Variants in CPB2 observed in about 807,000 individuals in gnomAD.
CPB2 encodes the protein carboxypeptidase B-like protein.
A neutral mutation model predicts 57.0 loss-of-function variants in CPB2; 54 were observed. That is an observed-to-expected ratio of 0.95 (90% CI 0.76 to 1.19). CPB2 has a LOEUF of 1.19. Among genes scored for constraint, CPB2 ranks in the 50% most tolerant of loss-of-function variants. The probability of loss-of-function intolerance (pLI) is 0.00; values close to 1 mark genes in which losing one functional copy is unlikely to be tolerated. For missense variants in CPB2, 426 were observed against 512.0 expected (o/e 0.83, Z 1.62); for synonymous variants, 189 against 178.1 (o/e 1.06, Z -0.49).
chr13:46,071,636 G>A (rs1247241688), intron 6 of CPB2, among the ~76,000 whole-genome samples: 4 of 152,176 alleles, frequency 2.6e-5, no homozygotes, highest in African/African-American at 4.8e-5. Context: ...GTCAGTGCAC[G>A]ATAGCAATAA....
chr13:46,067,026 C>G (rs1206957023), intron 7 of CPB2, among the ~76,000 whole-genome samples: 1 of 150,740 alleles, frequency 6.6e-6, no homozygotes, highest in Non-Finnish European at 1.5e-5. Flanking sequence ...CTAGGATTTA[C>G]TTCAAAATAA....
intron 8 of CPB2, among the ~76,000 whole-genome samples, chr13:46,062,893 G>A (rs2044795768): frequency 6.6e-6 from 1 of 152,188 alleles, no homozygotes; most frequent in Non-Finnish European, 1.5e-5. Context: ...TTGATAAAAT[G>A]TTTAAAATCA....
At chr13:46,057,606 T>G (rs1331624186) in intron 9 of CPB2, among the ~76,000 whole-genome samples, 1 of 152,186 alleles carries the variant, frequency 6.6e-6, no homozygotes, top group African/African-American at 2.4e-5. Flanking sequence ...TAAAAAGTGC[T>G]AAGGGAGTAT....
At chr13:46,090,726 T>TC (rs1254678313) in intron 1 of CPB2, among the ~76,000 whole-genome samples, 1 of 150,670 alleles carries the variant, frequency 6.6e-6, no homozygotes, top group African/African-American at 2.4e-5. Context: ...ATGTTGCACT[T>TC]TTTTTTTTTC....
chr13:46,064,494 T>G (rs1235776407), intron 8 of CPB2, among the ~76,000 whole-genome samples, 154 bp downstream of exon 8: 2 of 152,212 alleles, frequency 1.3e-5, no homozygotes, highest in Admixed American at 6.5e-5. Flanking sequence ...TGGCCAACAG[T>G]CGCAGCATTA....
chr13:46,103,000 T>C (rs1206434624), intron 1 of CPB2, among the ~76,000 whole-genome samples: 1 of 152,176 alleles, frequency 6.6e-6, no homozygotes, highest in African/African-American at 2.4e-5. Flanking sequence ...AAGCAACAAA[T>C]AGTAACAAAG....
chr13:46,082,977 T>C (rs1446767368), intron 3 of CPB2, among the ~76,000 whole-genome samples: 1 of 151,892 alleles, frequency 6.6e-6, no homozygotes, highest in Non-Finnish European at 1.5e-5. Flanking sequence ...TTTTTCTTAT[T>C]TTTTCCCCCA....
chr13:46,077,139 A>C (rs1329402074), intron 5 of CPB2, among the ~76,000 whole-genome samples: 1 of 152,014 alleles, frequency 6.6e-6, no homozygotes, highest in African/African-American at 2.4e-5. Flanking sequence ...GCGTGAAAAG[A>C]AAAAAATGGG....
intron 1 of CPB2, among the ~76,000 whole-genome samples, chr13:46,092,810 G>A (rs532506114): frequency 2.0e-5 from 3 of 152,356 alleles, no homozygotes; most frequent in Admixed American, 6.5e-5. Context: ...AATGCATGCT[G>A]AGAAATTTGG....
chr13:46,072,713 A>G (rs1241919757), intron 6 of CPB2, among the ~76,000 whole-genome samples: 1 of 152,132 alleles, frequency 6.6e-6, no homozygotes, highest in Non-Finnish European at 1.5e-5. Context: ...TCACCGATAT[A>G]AATTAGAGTC....
intron 1 of CPB2, chr13:46,098,764 G>A (rs546802803): frequency 6.6e-6 from 1 of 152,404 alleles, no homozygotes; most frequent in South Asian, 2.1e-4. Context: ...CCAGCCTCAA[G>A]GCTCTCCACA....
intron 1 of CPB2, among the ~76,000 whole-genome samples, chr13:46,103,374 T>A (rs1239753887): frequency 6.6e-6 from 1 of 152,238 alleles, no homozygotes; most frequent in Admixed American, 6.5e-5. Flanking sequence ...AACTGCTGCC[T>A]GCAACTCCCT....
At chr13:46,085,097 A>G (rs2139398454) in intron 2 of CPB2, among the ~76,000 whole-genome samples, 1 of 152,058 alleles carries the variant, frequency 6.6e-6, no homozygotes, top group Non-Finnish European at 1.5e-5. Flanking sequence ...TGATCCGCCC[A>G]CCTCGGCCCT....
At chr13:46,068,068 A>G (rs1335976862) in intron 6 of CPB2, among the ~76,000 whole-genome samples, 2 of 152,242 alleles carry the variant, frequency 1.3e-5, no homozygotes, top group Non-Finnish European at 2.9e-5. Context: ...GTTTACCCCA[A>G]AATGACAAAA....
In CPB2 at chr13:46,084,571, TG is replaced by T. The variant is rs2045170888; in HGVS notation, c.151-229del. Among the ~76,000 whole-genome samples the T allele has an allele frequency of 3.9e-5, 6 of 152,206 alleles. No individual in the cohort carries two copies. The South Asian group carries it at 1.2e-3, about 32-fold the overall frequency. ...TAAAAAAAAATAAAATAAAAGGGCCTGGAATATACAAGATAATCCATAAATA... is the reference window on the plus strand; with the variant it reads ...TAAAAAAAAATAAAATAAAAGGGCCTGAATATACAAGATAATCCATAAATA... On this transcript the variant is annotated intron_variant, in intron 2 of 10. Coordinates refer to ENST00000181383, the MANE Select transcript of CPB2 (RefSeq NM_001872.5).
chr13:46,082,449 G>A lies in CPB2; in HGVS notation c.376C>T (p.Leu126=). ...SASYYEQYHS[L]NEIYSWIEFI... is the part of the protein sequence containing the mutation. Reference sequence around the variant, plus strand: ...GCTGTGTGATGGCTTACTTCATTTAGTGAGTGATACTGTTCATAGTACGAT... The same window carrying A: ...GCTGTGTGATGGCTTACTTCATTTAATGAGTGATACTGTTCATAGTACGAT... The change falls in exon 4 of 11, where the codon CTA becomes TTA. Residue 126 remains leucine, a synonymous_variant. Coordinates refer to ENST00000181383, the MANE Select transcript of CPB2 (RefSeq NM_001872.5). 6.3e-7 allele frequency: 1 copy of A among 1,592,302 alleles called. No individual in the cohort carries two copies. Among genetic ancestry groups the A allele is most frequent in the African/African-American group, 1.3e-5 (1 of 74,608 alleles).
At chr13:46,073,506 G>A (rs2044974136) in intron 6 of CPB2, 1 of 980,722 alleles carries the variant, frequency 1.0e-6, no homozygotes, top group South Asian at 4.7e-5. Context: ...AAGATGTCTG[G>A]ATAATTAAAA....
intron 1 of CPB2, among the ~76,000 whole-genome samples, chr13:46,094,164 A>G (rs1187317978): frequency 6.6e-6 from 1 of 152,186 alleles, no homozygotes; most frequent in Non-Finnish European, 1.5e-5. Context: ...CCCTTGGAGT[A>G]GCGTAGTCAC....
intron 6 of CPB2, 24 bp downstream of exon 6, chr13:46,073,849 G>T: frequency 6.8e-7 from 1 of 1,466,230 alleles, no homozygotes; most frequent in Non-Finnish European, 9.4e-7. Context: ...TGAGAAATAG[G>T]GTTAAGAGAA....
Sources: allele counts gnomAD v4.1 joint callset (sites outside exome capture counted in the v4.1 genomes callset), GRCh38; gene constraint gnomAD v4.1.1; transcripts MANE v1.5; gene names NCBI Gene and HGNC (gene_info 2026-07-23, HGNC 2026-07-21).